Variants in PLPPR1 observed in about 807,000 individuals in gnomAD.
PLPPR1 encodes phospholipid phosphatase related 1.
PLPPR1 carries 10 observed loss-of-function variants against 33.1 expected under a neutral mutation model. That is an observed-to-expected ratio of 0.30 (90% CI 0.19 to 0.51). The LOEUF (loss-of-function observed/expected upper bound fraction) is 0.51, where lower values mean the gene tolerates loss of function less well. Ranked by LOEUF, PLPPR1 falls within the 20% of genes least tolerant of loss-of-function variation. The probability of loss-of-function intolerance (pLI) is 0.97; values close to 1 mark genes in which losing one functional copy is unlikely to be tolerated. For missense variants in PLPPR1, 304 were observed against 408.1 expected (o/e 0.74, Z 2.20); for synonymous variants, 151 against 151.0 (o/e 1.00, Z 0.00).
intron 1 of PLPPR1, among the ~76,000 whole-genome samples, chr9:101,122,164 A>C (rs1325979555): frequency 2.0e-5 from 3 of 152,220 alleles, no homozygotes; most frequent in Non-Finnish European, 4.4e-5. Flanking sequence ...ATTTTTCAGA[A>C]GTAGCATGTG....
At chr9:101,309,159 T>G in intron 4 of PLPPR1, 52 bp from the exon 5 acceptor site, 1 of 1,588,616 alleles carries the variant, frequency 6.3e-7, no homozygotes, top group South Asian at 1.1e-5. Flanking sequence ...AGGAGAAAAA[T>G]GCAATTGACA....
chr9:101,153,318 A>G (rs1008393500), intron 1 of PLPPR1, among the ~76,000 whole-genome samples: 2 of 152,186 alleles, frequency 1.3e-5, no homozygotes, highest in African/African-American at 4.8e-5. Context: ...TTTTCTAAAT[A>G]TATAATCATG....
chr9:101,221,195 G>A (rs1826927379), intron 2 of PLPPR1, among the ~76,000 whole-genome samples: 1 of 152,114 alleles, frequency 6.6e-6, no homozygotes, highest in Non-Finnish European at 1.5e-5. Flanking sequence ...CCCATCACCT[G>A]AGCAGTATAC....
chr9:101,156,431 T>G (rs1221202051), intron 1 of PLPPR1, among the ~76,000 whole-genome samples: 1 of 151,174 alleles, frequency 6.6e-6, no homozygotes, highest in Non-Finnish European at 1.5e-5. Flanking sequence ...CTGCCTGTGG[T>G]CCCAACTATT....
At chr9:101,114,192 C>A (rs780916167) in intron 1 of PLPPR1, among the ~76,000 whole-genome samples, 13 of 152,196 alleles carry the variant, frequency 8.5e-5, no homozygotes, top group Non-Finnish European at 1.5e-4. Flanking sequence ...GTTAATATTT[C>A]ATTGAACACT....
rs1196482497 is a variant in PLPPR1 at position 101,123,837 on chromosome 9, G to A, written c.-45-61613G>A. Among the ~76,000 whole-genome samples, 3 of 152,188 alleles carry A rather than the reference G, an allele frequency of 2.0e-5. No homozygotes were observed. In the East Asian group the frequency reaches 5.8e-4, roughly 29 times the overall value. The stretch of plus-strand genomic sequence containing the variant: ...AAGTCACGAGGGATTTTATGCCCTG[G>A]GCTTAGATTATAGTGCGTCAGGGTA... On this transcript the variant is annotated intron_variant, in intron 1 of 7. Coordinates refer to ENST00000374874, the MANE Select transcript of PLPPR1 (RefSeq NM_207299.2).
chr9:101,267,073 A>G (rs1828011983), intron 2 of PLPPR1, among the ~76,000 whole-genome samples: 2 of 152,332 alleles, frequency 1.3e-5, no homozygotes, highest in South Asian at 4.2e-4. Context: ...GACACATGAC[A>G]CACACAAAAA....
chr9:101,122,280 A>G (rs1564150720), intron 1 of PLPPR1, among the ~76,000 whole-genome samples: 1 of 152,214 alleles, frequency 6.6e-6, no homozygotes. Context: ...TACCCTTTCC[A>G]GGCATTTTAA....
At chr9:101,193,214 A>G (rs1826333388) in intron 2 of PLPPR1, among the ~76,000 whole-genome samples, 1 of 152,194 alleles carries the variant, frequency 6.6e-6, no homozygotes, top group Non-Finnish European at 1.5e-5. Context: ...CTCTCACAGA[A>G]ATCAGGGGGT....
intron 2 of PLPPR1, among the ~76,000 whole-genome samples, chr9:101,186,153 A>T (rs1826199140): frequency 6.6e-6 from 1 of 151,536 alleles, no homozygotes; most frequent in Non-Finnish European, 1.5e-5. Context: ...AATTTCCTGA[A>T]CTCCTTTTGT....
intron 2 of PLPPR1, among the ~76,000 whole-genome samples, chr9:101,189,399 T>C (rs1423103849): frequency 2.0e-5 from 3 of 152,118 alleles, no homozygotes; most frequent in African/African-American, 7.2e-5. Context: ...CCAGAGAGAA[T>C]AGACTGTAAA....
intron 4 of PLPPR1, among the ~76,000 whole-genome samples, chr9:101,289,088 A>G (rs1161485175): frequency 6.6e-6 from 1 of 152,152 alleles, no homozygotes; most frequent in Non-Finnish European, 1.5e-5. Flanking sequence ...ATCATGCTAA[A>G]CGGCTTCACA....
At chr9:101,188,846 G>A (rs554193784) in intron 2 of PLPPR1, among the ~76,000 whole-genome samples, 4 of 151,750 alleles carry the variant, frequency 2.6e-5, no homozygotes, top group African/African-American at 7.3e-5. Flanking sequence ...TGGCTACTTC[G>A]AGCTCTTATA....
chr9:101,204,166 G>T (rs999076861), intron 2 of PLPPR1, among the ~76,000 whole-genome samples: 1 of 152,156 alleles, frequency 6.6e-6, no homozygotes, highest in African/African-American at 2.4e-5. Context: ...ATAAATGCAA[G>T]ATTTTTTGTT....
intron 1 of PLPPR1, among the ~76,000 whole-genome samples, chr9:101,094,038 C>T (rs1026664925): frequency 1.3e-5 from 2 of 152,204 alleles, no homozygotes. Flanking sequence ...TCATCATCAT[C>T]CATCTGAATT....
chr9:101,201,521 T>G (rs1187343503), intron 2 of PLPPR1, among the ~76,000 whole-genome samples: 1 of 152,166 alleles, frequency 6.6e-6, no homozygotes, highest in Non-Finnish European at 1.5e-5. Context: ...TGTGTGACCT[T>G]CAGCAGGTTA....
intron 1 of PLPPR1, among the ~76,000 whole-genome samples, chr9:101,159,713 C>T (rs181548788): frequency 1.3e-5 from 2 of 152,262 alleles, no homozygotes; most frequent in African/African-American, 4.8e-5. Context: ...AGATTCCAGG[C>T]ATACAAGGAT....
chr9:101,151,860 T>A (rs982679748), intron 1 of PLPPR1, among the ~76,000 whole-genome samples: 1 of 152,196 alleles, frequency 6.6e-6, no homozygotes, highest in South Asian at 2.1e-4. Flanking sequence ...TAACTTGCCA[T>A]TGGACTTCCT....
At chr9:101,245,780 A>G (rs1426726931) in intron 2 of PLPPR1, among the ~76,000 whole-genome samples, 2 of 151,762 alleles carry the variant, frequency 1.3e-5, no homozygotes, top group African/African-American at 4.8e-5. Flanking sequence ...TTCCAGCTCC[A>G]AGAATCTTTA....
Sources: gnomAD v4.1 joint callset for allele counts (sites outside exome capture counted in the v4.1 genomes callset) on GRCh38, gnomAD v4.1.1 for gene constraint, MANE v1.5 for transcripts, NCBI Gene and HGNC (gene_info 2026-07-23, HGNC 2026-07-21) for gene names.